Variants in LRP1B observed in about 807,000 individuals in gnomAD.
LRP1B encodes LDL receptor related protein 1B.
A neutral mutation model predicts 556.6 loss-of-function variants in LRP1B; 217 were observed. The ratio of observed to expected loss-of-function variants is 0.39; its 90% CI spans 0.35 to 0.44. LRP1B has a LOEUF of 0.44. Ranked by LOEUF, LRP1B falls within the 20% of genes least tolerant of loss-of-function variation. LRP1B has a pLI of 1.00. For synonymous variants in LRP1B, 2,047 were observed against 1,865.8 expected (o/e 1.10, Z -2.50); for missense variants, 5,053 against 5,620.8 (o/e 0.90, Z 3.23).
intron 1 of LRP1B, among the ~76,000 whole-genome samples, chr2:141,999,934 C>A (rs1271558278): frequency 2.0e-5 from 3 of 150,722 alleles, no homozygotes; most frequent in Non-Finnish European, 4.4e-5. Context: ...GTGTGAAATT[C>A]TAGAATAAGG....
At chr2:141,791,296 C>A (rs912985242) in intron 2 of LRP1B, among the ~76,000 whole-genome samples, 2 of 151,840 alleles carry the variant, frequency 1.3e-5, no homozygotes, top group Non-Finnish European at 2.9e-5. Flanking sequence ...ATTTGTTCAC[C>A]TTTATAAATG....
intron 2 of LRP1B, among the ~76,000 whole-genome samples, chr2:141,700,373 A>G (rs1180463466): frequency 6.6e-6 from 1 of 151,848 alleles, no homozygotes; most frequent in Non-Finnish European, 1.5e-5. Flanking sequence ...CAAAATAATA[A>G]AGGAAAACAC....
intron 2 of LRP1B, among the ~76,000 whole-genome samples, chr2:141,521,626 A>G (rs1435383171): frequency 1.3e-5 from 2 of 151,966 alleles, no homozygotes; most frequent in Non-Finnish European, 2.9e-5. Flanking sequence ...ATATAGTTAT[A>G]TATGTAATTG....
At chr2:141,055,373 T>C in intron 9 of LRP1B, 114 bp from the exon 10 acceptor site, 1 of 1,024,448 alleles carries the variant, frequency 9.8e-7, no homozygotes, top group Middle Eastern at 2.2e-4. Context: ...TAGCAAAATT[T>C]TGTATACTCA....
At chr2:141,746,403 A>G (rs529945934) in intron 2 of LRP1B, among the ~76,000 whole-genome samples, 1 of 152,222 alleles carries the variant, frequency 6.6e-6, no homozygotes, top group Admixed American at 6.5e-5. Flanking sequence ...AGTTCAGCCC[A>G]GTTTTGCTTT....
rs371676030 is a variant in LRP1B, at chr2:140,439,813, G to T, written c.10414+2691C>A. 7.2e-5 allele frequency among the ~76,000 whole-genome samples: 11 copies of T among 151,954 alleles called. No individual in the cohort carries two copies. The East Asian group carries it at 1.7e-3, about 24-fold the overall frequency. ...TTCGTTGTCAAAATTGTGAGTACTC[G>T]TAGACCCAAAAAATTATACCAGGCT... On this transcript the variant is annotated intron_variant, in intron 66 of 90. Coordinates refer to ENST00000389484, the MANE Select transcript of LRP1B (RefSeq NM_018557.3).
chr2:142,104,997 G>C (rs1421021454), intron 1 of LRP1B, among the ~76,000 whole-genome samples: 2 of 152,084 alleles, frequency 1.3e-5, no homozygotes, highest in Non-Finnish European at 2.9e-5. Flanking sequence ...TACCCTCAAG[G>C]AGTTCACAGT....
chr2:141,940,361 T>C (rs1700760883), intron 1 of LRP1B, among the ~76,000 whole-genome samples: 1 of 152,162 alleles, frequency 6.6e-6, no homozygotes. Flanking sequence ...TACTAACTAA[T>C]GAATAAGTGT....
intron 3 of LRP1B, among the ~76,000 whole-genome samples, chr2:141,272,780 C>G (rs891101367): frequency 1.8e-4 from 27 of 152,026 alleles, no homozygotes; most frequent in African/African-American, 6.5e-4. Context: ...CAATTATAAA[C>G]ATAAAAGCAC....
chr2:141,985,201 A>G (rs1702151842), intron 1 of LRP1B, among the ~76,000 whole-genome samples: 1 of 152,134 alleles, frequency 6.6e-6, no homozygotes, highest in South Asian at 2.1e-4. Flanking sequence ...ATGCCAATAT[A>G]GCATATAGTT....
chr2:141,072,970 C>T (rs986091889), intron 7 of LRP1B, among the ~76,000 whole-genome samples: 2 of 152,074 alleles, frequency 1.3e-5, no homozygotes, highest in East Asian at 3.9e-4. Flanking sequence ...GACCTGACTT[C>T]AGCAACTATT....
chr2:141,239,889 A>C (rs1327746228), intron 5 of LRP1B, among the ~76,000 whole-genome samples: 3 of 152,204 alleles, frequency 2.0e-5, no homozygotes, highest in African/African-American at 7.2e-5. Flanking sequence ...AAAATTTATA[A>C]GTAAGATCAC....
intron 1 of LRP1B, among the ~76,000 whole-genome samples, chr2:142,104,488 AAT>A (rs1196199190): frequency 2.0e-5 from 3 of 152,136 alleles, no homozygotes; most frequent in Admixed American, 6.6e-5. Context: ...CAATGCTCCA[AAT>A]AGTTTCTTTA....
At position 140,598,759 on chromosome 2, in the gene LRP1B, C is replaced by G. The variant is rs760360250; in HGVS notation, c.7066G>C (p.Val2356Leu). The G allele has an allele frequency of 1.2e-6, 2 of 1,612,986 alleles. No individual in the cohort carries two copies. Among genetic ancestry groups the G allele is most frequent in the Non-Finnish European group, 1.7e-6 (2 of 1,179,076 alleles). Residue 2356 changes from valine to leucine, a missense_variant, in exon 43 of 91, where the codon GTG becomes CTG. Physicochemically the swap from Val to Leu is conservative, Grantham distance 32. This residue lies in a region of LRP1B where 3,619 missense variants were observed against 3,931.9 expected (regional missense o/e 0.92). Coordinates refer to ENST00000389484, the MANE Select transcript of LRP1B (RefSeq NM_018557.3). The part of the protein sequence containing the change: ...RSTLTGKNAQ[V>L]VVSTDILTPN... ...GTGAGTATGTCTGTACTGACCACCA[C>G]TTGAGCATTTTTCCCAGTCAGAGTA...
intron 1 of LRP1B, among the ~76,000 whole-genome samples, chr2:142,098,540 G>A (rs1424106268): frequency 6.6e-6 from 1 of 151,662 alleles, no homozygotes; most frequent in Non-Finnish European, 1.5e-5. Context: ...ATACCCAAAT[G>A]TGTACCCATT....
At chr2:141,317,848 T>C (rs1017153946) in intron 3 of LRP1B, among the ~76,000 whole-genome samples, 3 of 152,116 alleles carry the variant, frequency 2.0e-5, no homozygotes, top group African/African-American at 4.8e-5. Context: ...TGGTAGATGA[T>C]AGTTGCAAAA....
chr2:141,468,444 A>G (rs968469045), intron 3 of LRP1B, among the ~76,000 whole-genome samples: 1 of 152,218 alleles, frequency 6.6e-6, no homozygotes, highest in African/African-American at 2.4e-5. Context: ...AAAATTTGAT[A>G]GAGTGCACAT....
intron 3 of LRP1B, among the ~76,000 whole-genome samples, chr2:141,437,010 A>C (rs1210319943): frequency 6.6e-6 from 1 of 152,056 alleles, no homozygotes; most frequent in African/African-American, 2.4e-5. Context: ...GCAGTTGCTA[A>C]CTCCCATTAA....
At chr2:141,766,326 T>C (rs1694732239) in intron 2 of LRP1B, among the ~76,000 whole-genome samples, 1 of 152,182 alleles carries the variant, frequency 6.6e-6, no homozygotes, top group Non-Finnish European at 1.5e-5. Context: ...GTGTTCCAGA[T>C]TGTGTGAAAT....
Sources: gnomAD v4.1 joint callset for allele counts (sites outside exome capture counted in the v4.1 genomes callset) on GRCh38, gnomAD v4.1.1 for gene constraint, gnomAD v4.1.1 regional missense constraint, MANE v1.5 for transcripts, NCBI Gene and HGNC (gene_info 2026-07-23, HGNC 2026-07-21) for gene names.